The following METTL24 variants were observed in gnomAD, a reference collection of about 807,000 sequenced individuals.
METTL24 encodes methyltransferase like 24.
METTL24 carries 29 observed loss-of-function variants against 32.7 expected under a neutral mutation model. That is an observed-to-expected ratio of 0.89 (90% CI 0.66 to 1.21). The LOEUF (loss-of-function observed/expected upper bound fraction) is 1.21, where lower values mean the gene tolerates loss of function less well. Ranked by LOEUF, METTL24 falls within the 50% of genes most tolerant of loss-of-function variation. The pLI is 0.00. For missense variants in METTL24, 439 were observed against 468.1 expected, an observed-to-expected ratio of 0.94 and a Z score of 0.57; for synonymous variants, 163 against 179.5, an observed-to-expected ratio of 0.91 and a Z score of 0.73.
At chr6:110,246,308 T>C (rs1275901021) in intron 4 of METTL24, 48 bp from the exon 5 acceptor site, 1 of 1,481,482 alleles carries the variant, frequency 6.7e-7, no homozygotes, top group Admixed American at 2.0e-5. Context: ...TAAAACTATC[T>C]TGATATCAGG....
At chr6:110,322,958 G>C in intron 1 of METTL24, 86 bp from the exon 2 acceptor site, 1 of 1,003,426 alleles carries the variant, frequency 1.0e-6, no homozygotes, top group Non-Finnish European at 1.5e-6. Flanking sequence ...AGGAAGCAAG[G>C]CTGCTTTGGC....
chr6:110,301,153 C>T (rs1771510612), intron 3 of METTL24, among the ~76,000 whole-genome samples: 1 of 152,146 alleles, frequency 6.6e-6, no homozygotes, highest in Admixed American at 6.5e-5. Flanking sequence ...GTCCCTCCGC[C>T]ATAGCTTTTC....
chr6:110,339,109 G>T (rs1434091628), intron 1 of METTL24, among the ~76,000 whole-genome samples: 1 of 152,090 alleles, frequency 6.6e-6, no homozygotes, highest in African/African-American at 2.4e-5. Flanking sequence ...TATTTTACAA[G>T]TAAAATAAAG....
intron 4 of METTL24, among the ~76,000 whole-genome samples, chr6:110,258,683 T>C (rs1229013925): frequency 6.6e-6 from 1 of 151,994 alleles, no homozygotes; most frequent in East Asian, 1.9e-4. Context: ...ACTCCTTATT[T>C]AACACATAAA....
At position 110,358,292 on chromosome 6, in the gene METTL24, C is replaced by A; in HGVS notation, c.-20G>T. ...GGCCATGGCGCTACACTCGGGGTCC[C>A]GCGGGCCGCGCCTGGCCGGCAGCAG... On this transcript the variant is annotated 5_prime_UTR_variant, in exon 1 of 5. Coordinates refer to ENST00000338882, the MANE Select transcript of METTL24 (RefSeq NM_001123364.3). The A allele has an allele frequency of 7.0e-7, 1 of 1,434,566 alleles. No individual in the cohort carries two copies. 88.9% of individuals were successfully genotyped at this position (1,434,566 alleles called of 1,614,324 possible). A position where few individuals can be genotyped will look rare whatever the true frequency, so the allele number is the denominator to read the frequency against.
intron 4 of METTL24, among the ~76,000 whole-genome samples, chr6:110,297,664 C>A (rs542182477): frequency 8.5e-5 from 13 of 152,190 alleles, no homozygotes; most frequent in Middle Eastern, 3.4e-3. Flanking sequence ...AAAAACAAAA[C>A]CCTAAATAAA....
intron 1 of METTL24, among the ~76,000 whole-genome samples, chr6:110,332,000 T>G (rs1772118468): frequency 6.6e-6 from 1 of 152,182 alleles, no homozygotes; most frequent in Admixed American, 6.5e-5. Context: ...ATCTGCTAAA[T>G]GTCTCTGGCA....
chr6:110,328,955 C>G (rs1772065171), intron 1 of METTL24, among the ~76,000 whole-genome samples: 1 of 152,156 alleles, frequency 6.6e-6, no homozygotes, highest in Non-Finnish European at 1.5e-5. Context: ...AAAAATGGTG[C>G]CACCATCAGC....
At chr6:110,348,746 T>C (rs375584933) in intron 1 of METTL24, among the ~76,000 whole-genome samples, 22 of 152,344 alleles carry the variant, frequency 1.4e-4, no homozygotes, top group African/African-American at 5.1e-4. Flanking sequence ...GTCTGATTCA[T>C]CTCATCAGAG....
rs1323745933 is a variant in METTL24, at chr6:110,315,352, A to G, written c.547T>C (p.Tyr183His). Reference sequence around the variant, plus strand: ...AAAAAATGTACTCACCCTAAGGAGTAGAGGCGGCACTGCTTGTTGCGGATT... The same window carrying G: ...AAAAAATGTACTCACCCTAAGGAGTGGAGGCGGCACTGCTTGTTGCGGATT... ...HQIRNKQCRL[Y>H]SLGLGSDDTH... The change falls in exon 3 of 5, where the codon TAC becomes CAC. Residue 183 changes from tyrosine (Y) to histidine (H), a missense_variant. Physicochemically the swap from Tyr to His is moderately conservative, Grantham distance 83. Transcript: ENST00000338882. 1 of 1,614,206 alleles carries G rather than the reference A, an allele frequency of 6.2e-7. No individual in the cohort carries two copies. Among genetic ancestry groups the G allele is most frequent in the Non-Finnish European group, 8.5e-7 (1 of 1,180,034 alleles).
chr6:110,315,325 T>C lies in METTL24; in HGVS notation c.557+17A>G. The C allele has an allele frequency of 6.2e-7, 1 of 1,613,398 alleles. No individual in the cohort carries two copies. Among genetic ancestry groups the C allele is most frequent in the Non-Finnish European group, 8.5e-7 (1 of 1,179,844 alleles). ...GCAGTGTTTGTGTTTTCTTCTGCTG[T>C]AAAAAAATGTACTCACCCTAAGGAG... is the stretch of plus-strand genomic sequence containing the variant. On this transcript the variant is annotated intron_variant, in intron 3 of 4. Transcript: ENST00000338882.
intron 1 of METTL24, among the ~76,000 whole-genome samples, chr6:110,334,444 A>C (rs1772171883): frequency 6.6e-6 from 1 of 152,194 alleles, no homozygotes; most frequent in African/African-American, 2.4e-5. Flanking sequence ...ACAAGGGGAC[A>C]GAGGCCACAC....
chr6:110,253,906 T>A (rs1778331256), intron 4 of METTL24: 7 of 1,469,210 alleles, frequency 4.8e-6, no homozygotes, highest in Non-Finnish European at 6.3e-6. Flanking sequence ...GCTTTCAGAA[T>A]CTGAAGGAGG....
At chr6:110,284,201 G>A (rs1771182548) in intron 4 of METTL24, among the ~76,000 whole-genome samples, 1 of 152,172 alleles carries the variant, frequency 6.6e-6, no homozygotes, top group Non-Finnish European at 1.5e-5. Context: ...GAGGTTACCA[G>A]GAAGGAGTGG....
chr6:110,357,442 C>G (rs1158659655), intron 1 of METTL24: 1 of 152,254 alleles, frequency 6.6e-6, no homozygotes, highest in Non-Finnish European at 1.5e-5. Flanking sequence ...GAATGAGACT[C>G]CAGGGAAATT....
intron 4 of METTL24, among the ~76,000 whole-genome samples, chr6:110,270,837 C>CTTTTTTTT (rs3075091): frequency 1.6e-5 from 2 of 124,728 alleles, no homozygotes; most frequent in African/African-American, 6.1e-5. Context: ...CATCTTGATT[C>CTTTTTTTT]TTTTTTTTTT....
intron 4 of METTL24, among the ~76,000 whole-genome samples, chr6:110,276,785 C>G (rs550272069): frequency 2.0e-5 from 3 of 152,208 alleles, no homozygotes; most frequent in African/African-American, 7.2e-5. Context: ...ATTGCAATCA[C>G]TCAGTATTCA....
rs779988938 is a variant in METTL24 at position 110,336,939 on chromosome 6, A to G, written c.319-14067T>C. ...TTATTGGGTATGTACCCAGAGGAAT[A>G]TAAATCATTCTGCCATAAAGACACA... On this transcript the variant is annotated intron_variant, in intron 1 of 4. Coordinates refer to ENST00000338882, the MANE Select transcript of METTL24 (RefSeq NM_001123364.3). Among the ~76,000 whole-genome samples the G allele has an allele frequency of 9.2e-5, 14 of 152,182 alleles. 1 individual carries two copies. Among genetic ancestry groups the G allele is most frequent in the Admixed American group, 1.3e-4 (2 of 15,286 alleles).
chr6:110,328,059 C>T (rs1772046960), intron 1 of METTL24, among the ~76,000 whole-genome samples: 1 of 152,170 alleles, frequency 6.6e-6, no homozygotes. Flanking sequence ...TTTGTCTGTC[C>T]CCAGGAGGCC....
Sources: gnomAD v4.1 joint callset for allele counts (sites outside exome capture counted in the v4.1 genomes callset) on GRCh38, gnomAD v4.1.1 for gene constraint, MANE v1.5 for transcripts, NCBI Gene and HGNC (gene_info 2026-07-23, HGNC 2026-07-21) for gene names.